RAB3GAP1: variants seen among roughly 807,000 people sequenced by gnomAD.
RAB3GAP1 encodes rab3 GTPase-activating protein catalytic subunit.
RAB3GAP1 carries 86 observed loss-of-function variants against 130.7 expected under a neutral mutation model. The ratio of observed to expected loss-of-function variants is 0.66; its 90% CI spans 0.55 to 0.79. RAB3GAP1 has a LOEUF of 0.79. RAB3GAP1 is among the 30% of genes least tolerant of loss of function. RAB3GAP1 has a pLI of 0.00. For synonymous variants in RAB3GAP1, 367 were observed against 401.7 expected, an observed-to-expected ratio of 0.91 and a Z score of 1.03; for missense variants, 1,029 against 1,169.4, an observed-to-expected ratio of 0.88 and a Z score of 1.75.
chr2:135,117,639 T>G lies in RAB3GAP1; in HGVS notation c.648+2258T>G, dbSNP rs61730075. ...TGCTTCTGCTTCTTCTGCTTCTGCT[T>G]CTTCTTCTGCTTCTGCTTCTTCTGC... On this transcript the variant is annotated intron_variant, in intron 7 of 23. Transcript: ENST00000264158. Among the ~76,000 whole-genome samples, 361 of 60,136 alleles carry G rather than the reference T, an allele frequency of 6.0e-3. 2 individuals are homozygous for G. Among genetic ancestry groups the G allele is most frequent in the Middle Eastern group, 0.059 (9 of 152 alleles). 39.5% of individuals were successfully genotyped at this position (60,136 alleles called of 152,430 possible).
In RAB3GAP1 at chr2:135,115,205, A is replaced by G; in HGVS notation, c.483-11A>G. On this transcript the variant is annotated splice_polypyrimidine_tract_variant and intron_variant, in intron 6 of 23. Coordinates refer to ENST00000264158, the MANE Select transcript of RAB3GAP1 (RefSeq NM_012233.3). ...GCTTGTATTCCATTCCTATTTAATC[A>G]TGTCTTGCAGTCAGGTGCCACTCTT... The G allele has an allele frequency of 6.2e-7, 1 of 1,600,918 alleles. No homozygotes were observed.
At chr2:135,122,144 ATATGTACTAC>A (rs1191652110) in intron 8 of RAB3GAP1, among the ~76,000 whole-genome samples, 6 of 152,184 alleles carry the variant, frequency 3.9e-5, no homozygotes, top group African/African-American at 1.4e-4. Context: ...TTTGGCAGTT[ATATGTACTAC>A]TACTATTTTA....
chr2:135,106,760 AAAAAAAAT>A (rs754104740), intron 5 of RAB3GAP1, among the ~76,000 whole-genome samples: 3,269 of 150,394 alleles, frequency 0.022, 43 homozygotes, highest in Admixed American at 0.033. Context: ...AAATACTAAA[AAAAAAAAT>A]AAAAAAATAA....
intron 2 of RAB3GAP1, among the ~76,000 whole-genome samples, chr2:135,054,071 C>T (rs564154617): frequency 2.3e-4 from 35 of 152,228 alleles, no homozygotes; most frequent in African/African-American, 8.4e-4. Flanking sequence ...ACAAGGAAGA[C>T]GGGATTGGGT....
chr2:135,129,543 C>G (rs1691467658), intron 11 of RAB3GAP1, among the ~76,000 whole-genome samples: 1 of 151,944 alleles, frequency 6.6e-6, no homozygotes, highest in Non-Finnish European at 1.5e-5. Context: ...TATCTTTATC[C>G]TACATGATTT....
In RAB3GAP1 at chr2:135,126,200, A is replaced by G. The variant is rs148190655; in HGVS notation, c.850A>G (p.Thr284Ala). The G allele has an allele frequency of 2.6e-4, 425 of 1,612,984 alleles. 4 individuals carry two copies. In the East Asian group the frequency reaches 9.3e-3, roughly 35 times the overall value. ...DPISELHLAT[T>A]WPHLTEGIIV... ...TTTTAGTGAACTCCATTTAGCTACT[A>G]CATGGCCTCATCTGACCGAAGGGAT... The change falls in exon 10 of 24, where the codon ACA becomes GCA. Residue 284 changes from threonine (T) to alanine (A), a missense_variant. By Grantham distance (58) the Thr-to-Ala change is moderately conservative. This residue lies in a region of RAB3GAP1 where 510 missense variants were observed against 532.1 expected (regional missense o/e 0.96). Transcript: ENST00000264158.
In RAB3GAP1 at chr2:135,086,122, T is replaced by A. The variant is rs548847838; in HGVS notation, c.151-4876T>A. ...TCTATAACTATACCACAGTACACTA[T>A]CCTTTCTCCTATTGGTGGGCATTTA... On this transcript the variant is annotated intron_variant, in intron 3 of 23. Transcript: ENST00000264158. Among the ~76,000 whole-genome samples, 3 of 152,338 alleles carry A rather than the reference T, an allele frequency of 2.0e-5. No homozygotes were observed. The South Asian group carries it at 6.2e-4, about 32-fold the overall frequency.
intron 3 of RAB3GAP1, among the ~76,000 whole-genome samples, chr2:135,080,155 C>T (rs1248058970): frequency 6.7e-6 from 1 of 150,174 alleles, no homozygotes; most frequent in East Asian, 2.0e-4. Flanking sequence ...TAATACTTAA[C>T]CTCATGTAAG....
At chr2:135,066,060 A>G (rs1361377981) in intron 3 of RAB3GAP1, among the ~76,000 whole-genome samples, 7 of 152,052 alleles carry the variant, frequency 4.6e-5, no homozygotes, top group Admixed American at 3.3e-4. Flanking sequence ...GGCGTGAGCT[A>G]CTGCACCCCG....
At chr2:135,098,672 A>G (rs981619006) in intron 5 of RAB3GAP1, among the ~76,000 whole-genome samples, 3 of 152,136 alleles carry the variant, frequency 2.0e-5, no homozygotes, top group Admixed American at 1.3e-4. Flanking sequence ...ATCCCAATAT[A>G]TCCATTTTGA....
intron 3 of RAB3GAP1, among the ~76,000 whole-genome samples, chr2:135,085,285 A>C (rs1689941022): frequency 6.6e-6 from 1 of 152,196 alleles, no homozygotes; most frequent in Non-Finnish European, 1.5e-5. Flanking sequence ...TATGTGTAAT[A>C]CTATAATACA....
intron 12 of RAB3GAP1, 82 bp from the exon 13 acceptor site, chr2:135,130,470 C>A: frequency 8.6e-7 from 1 of 1,163,120 alleles, no homozygotes; most frequent in Non-Finnish European, 1.3e-6. Flanking sequence ...GTAAAATATT[C>A]TATATAATCA....
At chr2:135,171,148 CTATT>C (rs1558811257), downstream of RAB3GAP1, among the ~76,000 whole-genome samples, 1 of 151,852 alleles carries the variant, frequency 6.6e-6, no homozygotes, top group African/African-American at 2.4e-5. Context: ...GGGAAAATGT[CTATT>C]TGGGGGGCAG....
chr2:135,089,499 T>C (rs1690081560), intron 3 of RAB3GAP1, among the ~76,000 whole-genome samples: 1 of 152,222 alleles, frequency 6.6e-6, no homozygotes, highest in Non-Finnish European at 1.5e-5. Flanking sequence ...TTCATAGTAT[T>C]GATTCTTTCC....
chr2:135,154,870 C>T (rs866994370), intron 19 of RAB3GAP1, among the ~76,000 whole-genome samples: 2 of 152,088 alleles, frequency 1.3e-5, no homozygotes, highest in South Asian at 4.1e-4. Flanking sequence ...AACAAGACAA[C>T]CAGCCTCCCT....
chr2:135,078,452 A>G (rs968016144), intron 3 of RAB3GAP1, among the ~76,000 whole-genome samples: 1 of 152,168 alleles, frequency 6.6e-6, no homozygotes, highest in Non-Finnish European at 1.5e-5. Flanking sequence ...CAGCTTTTCC[A>G]AACTGTCCCA....
At chr2:135,129,451 C>CAA (rs1192375753) in intron 11 of RAB3GAP1, among the ~76,000 whole-genome samples, 6 of 87,686 alleles carry the variant, frequency 6.8e-5, no homozygotes, top group Non-Finnish European at 4.8e-5. Flanking sequence ...GACTCTGTCT[C>CAA]AAAAAAAAAA....
In RAB3GAP1 at chr2:135,060,568, G is replaced by T. The variant is rs116136229; in HGVS notation, c.150+2482G>T. ...AGCCACCGCGCCTGGCCAACTGCTT[G>T]ATTTTGACAAATGTTCACATGGGTA... On this transcript the variant is annotated intron_variant, in intron 3 of 23. Coordinates refer to ENST00000264158, the MANE Select transcript of RAB3GAP1 (RefSeq NM_012233.3). 7.4e-3 allele frequency among the ~76,000 whole-genome samples: 1,112 copies of T among 151,246 alleles called. 11 individuals are homozygous for T. Among genetic ancestry groups the T allele is most frequent in the African/African-American group, 0.026 (1,054 of 41,202 alleles).
chr2:135,160,637 GC>G (rs1301544859), intron 19 of RAB3GAP1, among the ~76,000 whole-genome samples: 6 of 129,178 alleles, frequency 4.6e-5, no homozygotes, highest in African/African-American at 1.8e-4. Flanking sequence ...TCGCACCACT[GC>G]ACTCCAGTCT....
Sources: gnomAD v4.1 joint callset for allele counts (sites outside exome capture counted in the v4.1 genomes callset) on GRCh38, gnomAD v4.1.1 for gene constraint, gnomAD v4.1.1 regional missense constraint, MANE v1.5 for transcripts, NCBI Gene and HGNC (gene_info 2026-07-23, HGNC 2026-07-21) for gene names.